Variants in BTBD8 observed in about 807,000 individuals in gnomAD.
BTBD8 encodes the protein BTB/POZ domain-containing protein 8.
A neutral mutation model predicts 162.9 loss-of-function variants in BTBD8; 110 were observed. The observed-to-expected ratio is 0.68, with a 90% CI of 0.58 to 0.79. The LOEUF (loss-of-function observed/expected upper bound fraction) is 0.79. Among genes scored for constraint, BTBD8 ranks in the 30% least tolerant of loss-of-function variants. The pLI, the probability that BTBD8 is intolerant of heterozygous loss-of-function variation, is 0.00. For missense variants in BTBD8, 1,905 were observed against 2,085.4 expected (o/e 0.91, Z 1.68); for synonymous variants, 667 against 716.1 (o/e 0.93, Z 1.10).
intron 12 of BTBD8, among the ~76,000 whole-genome samples, chr1:92,170,942 C>G (rs549085482): frequency 6.6e-6 from 1 of 151,620 alleles, no homozygotes; most frequent in Non-Finnish European, 1.5e-5. Flanking sequence ...TATATATCTG[C>G]AAAACCAGAA....
Position 92,181,826 on chromosome 1 carries a change from A to C in BTBD8, c.4143A>C (p.Ser1381=). 6.4e-7 allele frequency: 1 copy of C among 1,551,202 alleles called. No homozygotes were observed. The highest frequency in any genetic ancestry group is 1.2e-5 in the South Asian group (1 of 84,008). Reference sequence around the variant, plus strand: ...AGGAAATAGATCAGGTATCTTCTTCAGCAGATGAAACAGAAGATGAAAGAT... The same window carrying C: ...AGGAAATAGATCAGGTATCTTCTTCCGCAGATGAAACAGAAGATGAAAGAT... ...FAQEIDQVSS[S]ADETEDERSE... The change falls in exon 17 of 18, where the codon TCA becomes TCC. Residue 1381 remains serine, a synonymous_variant. Coordinates refer to ENST00000636805, the MANE Select transcript of BTBD8 (RefSeq NM_001376131.1).
intron 1 of BTBD8, 101 bp downstream of exon 1, chr1:92,080,821 C>T: frequency 6.7e-7 from 1 of 1,501,350 alleles, no homozygotes; most frequent in Non-Finnish European, 8.9e-7. Context: ...TCCCTCAGCA[C>T]TTGGTTCTCC....
intron 5 of BTBD8, among the ~76,000 whole-genome samples, chr1:92,136,327 T>A (rs1649631610): frequency 6.6e-6 from 1 of 151,842 alleles, no homozygotes; most frequent in Admixed American, 6.6e-5. Flanking sequence ...TTTCTGGGAC[T>A]CCACTTATTT....
At chr1:92,169,232 A>G (rs926515516) in intron 12 of BTBD8, among the ~76,000 whole-genome samples, 2 of 152,216 alleles carry the variant, frequency 1.3e-5, no homozygotes, top group African/African-American at 4.8e-5. Flanking sequence ...CTTACTATAC[A>G]TTAGCAACAA....
At chr1:92,163,414 G>T (rs920787951) in intron 9 of BTBD8, among the ~76,000 whole-genome samples, 1 of 138,040 alleles carries the variant, frequency 7.2e-6, no homozygotes, top group African/African-American at 2.7e-5. Flanking sequence ...GCATATTAAT[G>T]CCTTCATTTG....
At chr1:92,173,921 A>G (rs1285395182) in intron 13 of BTBD8, among the ~76,000 whole-genome samples, 1 of 152,144 alleles carries the variant, frequency 6.6e-6, no homozygotes, top group Non-Finnish European at 1.5e-5. Flanking sequence ...CAGATAAGAC[A>G]GGGAAAGAGG....
chr1:92,130,537 T>TA lies in BTBD8; in HGVS notation c.752+761_752+762insA, dbSNP rs1300990698. ...CAAAAAAAATATATATATATATATA[T>TA]TTACACACACACACACACACACACA... On this transcript the variant is annotated intron_variant, in intron 5 of 17. Transcript: ENST00000636805. Among the ~76,000 whole-genome samples the TA allele has an allele frequency of 7.2e-3, 844 of 116,998 alleles. 4 individuals are homozygous for TA. The highest frequency in any genetic ancestry group is 0.01 in the Non-Finnish European group (584 of 57,522). The allele number at this position is 116,998 out of a possible 152,430, so 76.8% of individuals were successfully genotyped here. A position where few individuals can be genotyped will look rare whatever the true frequency, so the allele number is the denominator to read the frequency against.
chr1:92,138,025 T>C (rs138380725), intron 5 of BTBD8, among the ~76,000 whole-genome samples: 37 of 152,294 alleles, frequency 2.4e-4, no homozygotes, highest in African/African-American at 8.2e-4. Flanking sequence ...AGAGAAGCTT[T>C]TGGGAGCTGC....
chr1:92,130,539 T>TACAC (rs59796834), intron 5 of BTBD8, among the ~76,000 whole-genome samples: 1,524 of 131,170 alleles, frequency 0.012, 24 homozygotes, highest in African/African-American at 0.032. Context: ...TATATATATT[T>TACAC]ACACACACAC....
intron 5 of BTBD8, among the ~76,000 whole-genome samples, chr1:92,137,861 C>A (rs914447292): frequency 1.3e-5 from 2 of 152,122 alleles, no homozygotes; most frequent in African/African-American, 4.8e-5. Flanking sequence ...AGAGACAAAT[C>A]TCTAAATTAA....
At chr1:92,159,133 C>T (rs1476561356) in intron 9 of BTBD8, among the ~76,000 whole-genome samples, 1 of 151,540 alleles carries the variant, frequency 6.6e-6, no homozygotes, top group African/African-American at 2.4e-5. Flanking sequence ...ATTCATTACT[C>T]TTCGTTTGTT....
In BTBD8 at chr1:92,080,545, C is replaced by T. The variant is rs772594487; in HGVS notation, c.-27C>T. 5.3e-5 allele frequency: 85 copies of T among 1,611,690 alleles called. No homozygotes were observed. The highest frequency in any genetic ancestry group is 6.9e-5 in the Non-Finnish European group (81 of 1,179,332). The stretch of plus-strand genomic sequence containing the variant: ...GGGCAAGTGAGGCCAAGTACTGGGC[C>T]TCCAGGGCGTCGTACCTCTGTGAGA... On this transcript the variant is annotated 5_prime_UTR_variant, in exon 1 of 18. Coordinates refer to ENST00000636805, the MANE Select transcript of BTBD8 (RefSeq NM_001376131.1).
At chr1:92,105,885 T>C (rs111690004) in intron 3 of BTBD8, among the ~76,000 whole-genome samples, 2,150 of 152,336 alleles carry the variant, frequency 0.014, 58 homozygotes, top group African/African-American at 0.047. Flanking sequence ...TATTTGGACA[T>C]GGCCAGATAA....
chr1:92,121,639 T>C (rs1035558024), intron 4 of BTBD8, among the ~76,000 whole-genome samples: 2 of 152,188 alleles, frequency 1.3e-5, no homozygotes, highest in African/African-American at 4.8e-5. Flanking sequence ...GAATTTTGAC[T>C]AATGTATAAA....
rs984729913 is a variant in BTBD8, at chr1:92,171,444, T to A, written c.1619T>A (p.Ile540Lys). ...GDDRRLGKKP[I>K]FSSSQQRKQV... ...GATCGAAGACTTGGCAAAAAGCCTA[T>A]ATTCAGTAGCTCGCAGGTAAACTTT... is the stretch of plus-strand genomic sequence containing the variant. Residue 540 changes from isoleucine (I) to lysine (K), a missense_variant, in exon 13 of 18, where the codon ATA becomes AAA. Transcript: ENST00000636805. 1 of 1,529,156 alleles carries A rather than the reference T, an allele frequency of 6.5e-7. No individual in the cohort carries two copies. Among genetic ancestry groups the A allele is most frequent in the South Asian group, 1.3e-5 (1 of 79,106 alleles). The allele number at this position is 1,529,156 out of a possible 1,614,324, so 94.7% of individuals were successfully genotyped here.
At chr1:92,128,570 G>T (rs1226381640) in intron 4 of BTBD8, among the ~76,000 whole-genome samples, 1 of 151,598 alleles carries the variant, frequency 6.6e-6, no homozygotes, top group African/African-American at 2.4e-5. Flanking sequence ...GAGCCACCGC[G>T]CCCGGCCATT....
At chr1:92,161,647 C>T (rs1172576698) in intron 9 of BTBD8, among the ~76,000 whole-genome samples, 11 of 152,076 alleles carry the variant, frequency 7.2e-5, no homozygotes, top group East Asian at 3.9e-4. Context: ...GAGAAGTGGA[C>T]GTGAGAACTA....
intron 4 of BTBD8, among the ~76,000 whole-genome samples, chr1:92,121,629 G>T (rs1649213064): frequency 6.6e-6 from 1 of 152,102 alleles, no homozygotes; most frequent in East Asian, 1.9e-4. Flanking sequence ...CCAGTTCTAT[G>T]AATTTTGACT....
At chr1:92,112,614 C>T (rs1251929741) in intron 4 of BTBD8, among the ~76,000 whole-genome samples, 1 of 151,930 alleles carries the variant, frequency 6.6e-6, no homozygotes, top group Non-Finnish European at 1.5e-5. Flanking sequence ...ATTAACTAAA[C>T]AACTATTAGT....
Sources: allele counts gnomAD v4.1 joint callset (sites outside exome capture counted in the v4.1 genomes callset), GRCh38; gene constraint gnomAD v4.1.1; transcripts MANE v1.5; gene names NCBI Gene and HGNC (gene_info 2026-07-23, HGNC 2026-07-21).